GPS2: variants seen among roughly 807,000 people sequenced by gnomAD.
GPS2 encodes G protein pathway suppressor 2.
Under a neutral mutation model 48.1 loss-of-function variants are expected in GPS2, and 22 were observed. The observed-to-expected ratio is 0.46, with a 90% confidence interval of 0.33 to 0.65. GPS2 has a LOEUF of 0.65. Ranked by LOEUF, GPS2 falls within the 30% of genes least tolerant of loss-of-function variation. GPS2 has a pLI of 0.03. For synonymous variants in GPS2, 202 were observed against 142.5 expected, an observed-to-expected ratio of 1.42 and a Z score of -2.98; for missense variants, 366 against 406.8, an observed-to-expected ratio of 0.90 and a Z score of 0.86.
Position 7,315,027 on chromosome 17 carries a change from T to G in GPS2, c.26A>C (p.Lys9Thr). Reference sequence around the variant, plus strand: ...CGCCCTGGCCATGGCGTTGGAAAGCTTGGGGCGCTCCAGGAGTGCGGGCAT... The same window carrying G: ...CGCCCTGGCCATGGCGTTGGAAAGCGTGGGGCGCTCCAGGAGTGCGGGCAT... MPALLERPKLSNAMARALH... is the reference protein window; with the variant it reads MPALLERPTLSNAMARALH... Residue 9 changes from lysine (K) to threonine (T), a missense_variant, in exon 2 of 11, where the codon AAG becomes ACG. Physicochemically the swap from Lys to Thr is moderately conservative, Grantham distance 78. Coordinates refer to ENST00000380728, the MANE Select transcript of GPS2 (RefSeq NM_004489.5). The G allele has an allele frequency of 6.2e-7, 1 of 1,603,562 alleles. No individual in the cohort carries two copies. Among genetic ancestry groups the G allele is most frequent in the Non-Finnish European group, 8.5e-7 (1 of 1,176,124 alleles).
In GPS2 at chr17:7,313,455, G is replaced by A. The variant is rs766613352; in HGVS notation, c.649C>T (p.Pro217Ser). Residue 217 changes from proline (P) to serine (S), a missense_variant, in exon 8 of 11, where the codon CCT (proline) becomes TCT (serine). Around this residue, in one of 3 missense-constraint regions of GPS2, gnomAD observed 275 missense variants for 282.3 expected, o/e 0.97. Transcript: ENST00000380728. ...SQQLRAPSAF[P>S]AVQYLSQPQP... The stretch of plus-strand genomic sequence containing the variant: ...GGCTGAGATAGGTACTGCACTGCAG[G>A]GAATGCCGAAGGAGCTGAGAAAGGA... 1 of 1,614,128 alleles carries A rather than the reference G, an allele frequency of 6.2e-7. No individual in the cohort carries two copies. Among genetic ancestry groups the A allele is most frequent in the South Asian group, 1.1e-5 (1 of 91,080 alleles).
At position 7,314,155 on chromosome 17, in the gene GPS2, G is replaced by A. The variant is rs955886482; in HGVS notation, c.322C>T (p.Leu108=). Residue 108 remains leucine, a synonymous_variant, in exon 5 of 11, where the codon CTG becomes TTG. Coordinates refer to ENST00000380728, the MANE Select transcript of GPS2 (RefSeq NM_004489.5). ...TATGCAGCTGATGTTAGGGTGGTCA[G>A]GTCACTGGAGTGAAAGGAAGACAGG... ...EKRRRKEQSD[L]TTLTSAAYQQ... 1.2e-6 allele frequency: 2 copies of A among 1,612,918 alleles called. No individual in the cohort carries two copies. The highest frequency in any genetic ancestry group is 2.7e-5 in the African/African-American group (2 of 74,612).
At chr17:7,314,916 G>A (rs747355959) in intron 2 of GPS2, 43 bp downstream of exon 2, 1 of 1,544,634 alleles carries the variant, frequency 6.5e-7, no homozygotes, top group Non-Finnish European at 8.8e-7. Context: ...AGGTACAGGA[G>A]CCATTCTGGG....
At position 7,312,808 on chromosome 17, in the gene GPS2, G is replaced by T; in HGVS notation, c.932C>A (p.Pro311His). The change falls in exon 11 of 11, where the codon CCT (proline) becomes CAT (histidine). Residue 311 changes from proline to histidine, a missense_variant. Pro to His is a moderately conservative substitution (Grantham distance 77). Around this residue, in one of 3 missense-constraint regions of GPS2, gnomAD observed 275 missense variants for 282.3 expected, o/e 0.97. Coordinates refer to ENST00000380728, the MANE Select transcript of GPS2 (RefSeq NM_004489.5). ...SGFAATSQPGPRLPFIQHSQN... is the reference protein window; with the variant it reads ...SGFAATSQPGHRLPFIQHSQN... ...GCTGTGTTGGATGAAGGGGAGCCGA[G>T]GGCCAGGTTGGCTGGTAGCTGCAAA... 6.2e-7 allele frequency: 1 copy of T among 1,614,110 alleles called. No individual in the cohort carries two copies. Among genetic ancestry groups the T allele is most frequent in the Admixed American group, 1.7e-5 (1 of 60,032 alleles).
At chr17:7,313,520 C>G in intron 7 of GPS2, 48 bp downstream of exon 7, 1 of 1,613,666 alleles carries the variant, frequency 6.2e-7, no homozygotes, top group Non-Finnish European at 8.5e-7. Flanking sequence ...AATGGCATTC[C>G]TCCTTTGACC....
intron 9 of GPS2, 42 bp downstream of exon 9, chr17:7,313,170 T>A (rs369947251): frequency 6.0e-5 from 96 of 1,609,238 alleles, no homozygotes; most frequent in Non-Finnish European, 7.4e-5. Context: ...AAGCTCCCCT[T>A]AACATATCCC....
At position 7,314,089 on chromosome 17, in the gene GPS2, T is replaced by A. The variant is rs1004560484; in HGVS notation, c.388A>T (p.Ser130Cys). ...TTTCTTTAGTCCTCACCCTGCATGC[T>A]GAGGAGATGAGTTCCTGTGTGAACA... The part of the protein sequence containing the change: ...LTVHTGTHLL[S>C]MQGSPGGHNR... The change falls in exon 5 of 11, where the codon AGC (serine) becomes TGC (cysteine). Residue 130 changes from serine (S) to cysteine (C), a missense_variant. Coordinates refer to ENST00000380728, the MANE Select transcript of GPS2 (RefSeq NM_004489.5). The A allele has an allele frequency of 6.2e-7, 1 of 1,613,854 alleles. No individual in the cohort carries two copies. Among genetic ancestry groups the A allele is most frequent in the African/African-American group, 1.3e-5 (1 of 74,908 alleles).
intron 10 of GPS2, 21 bp from the exon 11 acceptor site, chr17:7,312,860 A>G: frequency 6.2e-7 from 1 of 1,607,660 alleles, no homozygotes; most frequent in South Asian, 1.1e-5. Context: ...TGATGAAAAG[A>G]GGGCTTTGTC....
chr17:7,312,883 C>T, intron 10 of GPS2, 44 bp from the exon 11 acceptor site: 3 of 1,561,946 alleles, frequency 1.9e-6, no homozygotes, highest in Non-Finnish European at 2.6e-6. Context: ...TGGGCATACT[C>T]TCCCTTCCAC....
intron 10 of GPS2, 73 bp downstream of exon 10, chr17:7,312,956 G>A (rs770273163): frequency 6.8e-7 from 1 of 1,460,858 alleles, no homozygotes; most frequent in South Asian, 1.2e-5. Flanking sequence ...TGGGCCACCT[G>A]TCCTACCTAA....
rs773127395 is a variant in GPS2 at position 7,314,293 on chromosome 17, C to G, written c.315G>C (p.Gln105His). 19 of 1,614,104 alleles carry G rather than the reference C, an allele frequency of 1.2e-5. No homozygotes were observed. Among genetic ancestry groups the G allele is most frequent in the Non-Finnish European group, 1.5e-5 (18 of 1,179,940 alleles). The change falls in exon 4 of 11, where the codon CAG becomes CAC. Residue 105 changes from glutamine to histidine, a missense_variant and splice_region_variant. Gln to His is a conservative substitution (Grantham distance 24). Transcript: ENST00000380728. ...HEEEKRRRKE[Q>H]SDLTTLTSAA... ...AGTTTTTAGCACTCTGATCCCACCTCTGTTCCTTTCGCCTCCGTTTTTCTT... is the reference window on the plus strand; with the variant it reads ...AGTTTTTAGCACTCTGATCCCACCTGTGTTCCTTTCGCCTCCGTTTTTCTT...
In GPS2 at chr17:7,312,776, G is replaced by A. The variant is rs759555319; in HGVS notation, c.964C>T (p.Pro322Ser). 1 of 1,614,002 alleles carries A rather than the reference G, an allele frequency of 6.2e-7. No homozygotes were observed. The highest frequency in any genetic ancestry group is 8.5e-7 in the Non-Finnish European group (1 of 1,179,868). The change falls in exon 11 of 11, where the codon CCG becomes TCG. Residue 322 changes from proline to serine, a missense_variant. This residue lies in a region of GPS2 where 275 missense variants were observed against 282.3 expected (regional missense o/e 0.97). Coordinates refer to ENST00000380728, the MANE Select transcript of GPS2 (RefSeq NM_004489.5). ...GATGGTCACTTGTGGTAGAATCGCG[G>A]GTTCTGGCTGTGTTGGATGAAGGGG... The part of the protein sequence containing the change: ...RLPFIQHSQN[P>S]RFYHK
intron 2 of GPS2, 36 bp downstream of exon 2, chr17:7,314,923 T>A (rs1278628470): frequency 6.4e-7 from 1 of 1,552,468 alleles, no homozygotes; most frequent in Admixed American, 1.9e-5. Context: ...GGAGCCATTC[T>A]GGGCCGTGCG....
At chr17:7,313,174 A>G (rs1392436554) in intron 9 of GPS2, 38 bp downstream of exon 9, 3 of 1,610,062 alleles carry the variant, frequency 1.9e-6, no homozygotes, top group East Asian at 4.5e-5. Flanking sequence ...TCCCCTTAAC[A>G]TATCCCTAAC....
In GPS2 at chr17:7,315,099, C is replaced by T. The variant is rs1269876084; in HGVS notation, c.-47G>A. The T allele has an allele frequency of 2.7e-6, 4 of 1,466,954 alleles. No individual in the cohort carries two copies. Among genetic ancestry groups the T allele is most frequent in the Non-Finnish European group, 3.7e-6 (4 of 1,088,878 alleles). 90.9% of individuals were successfully genotyped at this position (1,466,954 alleles called of 1,614,324 possible). A position where few individuals can be genotyped will look rare whatever the true frequency, so the allele number is the denominator to read the frequency against. On this transcript the variant is annotated 5_prime_UTR_variant, in exon 2 of 11. Coordinates refer to ENST00000380728, the MANE Select transcript of GPS2 (RefSeq NM_004489.5). ...GCCGTGGGCGCCCGGCTGTCTCTGACTGCCAGACCTCAGACGGGGCCTGCG... is the reference window on the plus strand; with the variant it reads ...GCCGTGGGCGCCCGGCTGTCTCTGATTGCCAGACCTCAGACGGGGCCTGCG...
At position 7,313,724 on chromosome 17, in the gene GPS2, A is replaced by G. The variant is rs2072896393; in HGVS notation, c.481-3T>C. The G allele has an allele frequency of 3.1e-6, 5 of 1,613,542 alleles. No individual in the cohort carries two copies. The highest frequency in any genetic ancestry group is 4.2e-6 in the Non-Finnish European group (5 of 1,179,648). On this transcript the variant is annotated splice_polypyrimidine_tract_variant and splice_region_variant and intron_variant, in intron 6 of 10. Coordinates refer to ENST00000380728, the MANE Select transcript of GPS2 (RefSeq NM_004489.5). ...GCTGAGCCCACGTAGTGCCGGGTCTAAGGAAGGAGAATGAGAACTCGCCTA... is the reference window on the plus strand; with the variant it reads ...GCTGAGCCCACGTAGTGCCGGGTCTGAGGAAGGAGAATGAGAACTCGCCTA...
Position 7,314,311 on chromosome 17 carries a change from T to C in GPS2, c.297A>G (p.Lys99=), listed in dbSNP as rs1258725521. The C allele has an allele frequency of 1.3e-5, 21 of 1,614,132 alleles. No homozygotes were observed. The highest frequency in any genetic ancestry group is 1.7e-5 in the Non-Finnish European group (20 of 1,180,012). ...CCCACCTCTGTTCCTTTCGCCTCCG[T>C]TTTTCTTCCTCATGTAAAACTTTCT... ...QLKKVLHEEE[K]RRRKEQSDLT... Residue 99 remains lysine, a synonymous_variant, in exon 4 of 11, where the codon AAA becomes AAG. Transcript: ENST00000380728.
intron 4 of GPS2, 27 bp from the exon 5 acceptor site, chr17:7,314,186 G>A (rs747733650): frequency 1.9e-6 from 3 of 1,602,390 alleles, no homozygotes; most frequent in Admixed American, 1.7e-5. Flanking sequence ...ACAGGTCAAA[G>A]TCAAGGACAG....
At chr17:7,312,956 GTCCTACC>G in intron 10 of GPS2, 66 bp downstream of exon 10, 1 of 1,460,860 alleles carries the variant, frequency 6.8e-7, no homozygotes. Context: ...TGGGCCACCT[GTCCTACC>G]TAATCCTGCT....
Sources: allele counts gnomAD v4.1 joint callset, GRCh38; gene constraint gnomAD v4.1.1; regional missense constraint gnomAD v4.1.1; transcripts MANE v1.5; gene names NCBI Gene and HGNC (gene_info 2026-07-23, HGNC 2026-07-21).